Variants in ENTHD1 observed in about 807,000 individuals in gnomAD.
The protein encoded by ENTHD1 is ENTH domain containing 1.
In ENTHD1, 23 loss-of-function variants were observed where a neutral mutation model predicts 39.1. That is an observed-to-expected ratio of 0.59 (90% CI 0.42 to 0.83). The LOEUF (loss-of-function observed/expected upper bound fraction) is 0.83. Among genes scored for constraint, ENTHD1 ranks in the 40% least tolerant of loss-of-function variants. The pLI is 0.00. For synonymous variants in ENTHD1, 230 were observed against 258.2 expected, an observed-to-expected ratio of 0.89 and a Z score of 1.05; for missense variants, 624 against 705.4, an observed-to-expected ratio of 0.88 and a Z score of 1.31.
chr22:39,772,278 C>T (rs577157366), intron 5 of ENTHD1, among the ~76,000 whole-genome samples: 5 of 152,138 alleles, frequency 3.3e-5, no homozygotes, highest in Admixed American at 6.5e-5. Context: ...TGACAGGAGG[C>T]GAAGCTCAGG....
intron 6 of ENTHD1, among the ~76,000 whole-genome samples, chr22:39,754,772 G>A (rs1347369319): frequency 6.6e-6 from 1 of 151,988 alleles, no homozygotes; most frequent in Admixed American, 6.6e-5. Context: ...CCTCTCACCT[G>A]GTTTTTTACA....
chr22:39,831,149 A>G (rs1483350925), intron 4 of ENTHD1, among the ~76,000 whole-genome samples: 1 of 152,212 alleles, frequency 6.6e-6, no homozygotes, highest in Non-Finnish European at 1.5e-5. Context: ...CCACTTACAA[A>G]GGAAGCTGAA....
chr22:39,763,461 G>C (rs1468359257), intron 6 of ENTHD1, among the ~76,000 whole-genome samples: 1 of 152,082 alleles, frequency 6.6e-6, no homozygotes. Flanking sequence ...AACTCCTACC[G>C]TGTCTCCCAA....
intron 5 of ENTHD1, among the ~76,000 whole-genome samples, chr22:39,803,107 C>T (rs538110252): frequency 3.9e-5 from 6 of 152,206 alleles, no homozygotes; most frequent in East Asian, 1.9e-4. Context: ...CTGCTGTCTT[C>T]GGAACTCAGT....
intron 5 of ENTHD1, among the ~76,000 whole-genome samples, chr22:39,787,307 G>T (rs558266418): frequency 1.2e-4 from 19 of 152,180 alleles, no homozygotes; most frequent in Admixed American, 6.6e-4. Context: ...AGACACAACA[G>T]TATTGAAATT....
chr22:39,866,109 C>T (rs1006158739), intron 2 of ENTHD1, among the ~76,000 whole-genome samples: 3 of 152,156 alleles, frequency 2.0e-5, no homozygotes, highest in Admixed American at 6.5e-5. Context: ...TGTGATGCCA[C>T]GATTGGCAAC....
At chr22:39,844,984 G>A (rs145327120) in intron 3 of ENTHD1, among the ~76,000 whole-genome samples, 4 of 151,480 alleles carry the variant, frequency 2.6e-5, no homozygotes, top group South Asian at 2.1e-4. Flanking sequence ...GCAGGACCTC[G>A]TATAAGAGAC....
intron 3 of ENTHD1, among the ~76,000 whole-genome samples, chr22:39,857,396 T>C (rs1461761975): frequency 7.6e-6 from 1 of 131,722 alleles, no homozygotes; most frequent in Admixed American, 9.8e-5. Flanking sequence ...TGAGCCGAGA[T>C]GGTGCCATTG....
chr22:39,775,245 T>G lies in ENTHD1; in HGVS notation c.833-9636A>C, dbSNP rs114036834. Among the ~76,000 whole-genome samples the G allele has an allele frequency of 8.3e-3, 1,265 of 152,344 alleles. 10 individuals are homozygous for G. The highest frequency in any genetic ancestry group is 0.028 in the African/African-American group (1,169 of 41,572). ...ATAACTTCTTATATGTTTATAGAAC[T>G]GTCACCTATAGGGTACTGCAAACCC... On this transcript the variant is annotated intron_variant, in intron 5 of 6. Transcript: ENST00000325157.
intron 4 of ENTHD1, among the ~76,000 whole-genome samples, chr22:39,828,373 T>C (rs761909345): frequency 7.2e-5 from 11 of 152,168 alleles, no homozygotes; most frequent in Admixed American, 3.9e-4. Flanking sequence ...AACAATGATG[T>C]AGCAAAAAGA....
intron 3 of ENTHD1, among the ~76,000 whole-genome samples, chr22:39,856,877 G>C (rs1279026445): frequency 6.8e-6 from 1 of 147,034 alleles, no homozygotes; most frequent in Admixed American, 6.7e-5. Context: ...AAGAAAGAAA[G>C]AAAAGGAAAA....
At chr22:39,769,893 G>A (rs557935933) in intron 5 of ENTHD1, among the ~76,000 whole-genome samples, 1 of 152,264 alleles carries the variant, frequency 6.6e-6, no homozygotes, top group African/African-American at 2.4e-5. Context: ...CCTGTAGAGG[G>A]GAAAGCCAAT....
At chr22:39,798,096 A>G (rs1049058531) in intron 5 of ENTHD1, among the ~76,000 whole-genome samples, 5 of 152,054 alleles carry the variant, frequency 3.3e-5, no homozygotes, top group African/African-American at 9.7e-5. Flanking sequence ...AGTGTTCCAT[A>G]TGACACATAG....
At chr22:39,836,024 C>A in intron 3 of ENTHD1, 66 bp from the exon 4 acceptor site, 1 of 1,220,500 alleles carries the variant, frequency 8.2e-7, no homozygotes, top group Admixed American at 2.1e-5. Flanking sequence ...ATATTAGTTC[C>A]CAATTTGTAA....
intron 5 of ENTHD1, among the ~76,000 whole-genome samples, chr22:39,802,489 G>C (rs1341465541): frequency 6.6e-6 from 1 of 152,186 alleles, no homozygotes; most frequent in African/African-American, 2.4e-5. Context: ...GACCCCTCTG[G>C]AATGAGGGTC....
chr22:39,836,031 G>T lies in ENTHD1; in HGVS notation c.593-73C>A, dbSNP rs1238916405. ...ATGTTTTTATATTAGTTCCCAATTT[G>T]TAAGTTAATCACTTCTGAAGATACC... On this transcript the variant is annotated intron_variant, in intron 3 of 6. Coordinates refer to ENST00000325157, the MANE Select transcript of ENTHD1 (RefSeq NM_152512.4). 4 of 1,141,844 alleles carry T rather than the reference G, an allele frequency of 3.5e-6. No individual in the cohort carries two copies. The African/African-American group carries it at 4.7e-5, about 13-fold the overall frequency. 70.7% of individuals were successfully genotyped at this position (1,141,844 alleles called of 1,614,324 possible).
At chr22:39,878,616 TAAAG>T (rs1257322728) in intron 2 of ENTHD1, among the ~76,000 whole-genome samples, 1 of 151,482 alleles carries the variant, frequency 6.6e-6, no homozygotes, top group African/African-American at 2.4e-5. Context: ...GAAGGAGAAA[TAAAG>T]ACTTTTTAGC....
chr22:39,749,209 A>G (rs2065129814), intron 6 of ENTHD1, among the ~76,000 whole-genome samples: 1 of 152,184 alleles, frequency 6.6e-6, no homozygotes, highest in African/African-American at 2.4e-5. Context: ...CTCACTGCCC[A>G]TTTAGTTCTC....
chr22:39,765,628 G>A lies in ENTHD1; in HGVS notation c.833-19C>T. On this transcript the variant is annotated intron_variant, in intron 5 of 6. Transcript: ENST00000325157. ...ACAGCATCTATAAAAGAACAAATAAGAGCTATAATCAAAAAATAAAACTGA... is the reference window on the plus strand; with the variant it reads ...ACAGCATCTATAAAAGAACAAATAAAAGCTATAATCAAAAAATAAAACTGA... 1 of 1,561,884 alleles carries A rather than the reference G, an allele frequency of 6.4e-7. No homozygotes were observed. Among genetic ancestry groups the A allele is most frequent in the Non-Finnish European group, 8.6e-7 (1 of 1,157,896 alleles).
Sources: allele counts gnomAD v4.1 joint callset (sites outside exome capture counted in the v4.1 genomes callset), GRCh38; gene constraint gnomAD v4.1.1; transcripts MANE v1.5; gene names NCBI Gene and HGNC (gene_info 2026-07-23, HGNC 2026-07-21).